GAB2: variants seen among roughly 807,000 people sequenced by gnomAD.
The protein encoded by GAB2 is GRB2-associated-binding protein 2.
A neutral mutation model predicts 65.5 loss-of-function variants in GAB2; 26 were observed. The observed-to-expected ratio is 0.40, with a 90% CI of 0.29 to 0.55. GAB2 has a LOEUF of 0.55. Among genes scored for constraint, GAB2 ranks in the 20% least tolerant of loss-of-function variants. GAB2 has a pLI of 0.53. For missense variants in GAB2, 884 were observed against 875.8 expected (o/e 1.01, Z -0.12); for synonymous variants, 321 against 329.6 (o/e 0.97, Z 0.28).
intron 1 of GAB2, among the ~76,000 whole-genome samples, chr11:78,312,908 T>C (rs564487366): frequency 6.6e-6 from 1 of 152,260 alleles, no homozygotes; most frequent in African/African-American, 2.4e-5. Context: ...TCAGATCTAG[T>C]GTCCTCAACT....
chr11:78,352,002 C>T (rs1024098636), intron 1 of GAB2, among the ~76,000 whole-genome samples: 1 of 152,108 alleles, frequency 6.6e-6, no homozygotes, highest in Non-Finnish European at 1.5e-5. Flanking sequence ...CACTTGAGGT[C>T]AGGAGTTCAA....
intron 2 of GAB2, among the ~76,000 whole-genome samples, chr11:78,262,549 C>G (rs1365179439): frequency 1.3e-5 from 2 of 152,102 alleles, no homozygotes; most frequent in Non-Finnish European, 2.9e-5. Flanking sequence ...CCTTCATGTG[C>G]TGAGTAGAGG....
chr11:78,344,090 C>T (rs932584327), intron 1 of GAB2, among the ~76,000 whole-genome samples: 9 of 152,112 alleles, frequency 5.9e-5, no homozygotes, highest in South Asian at 4.1e-4. Flanking sequence ...AGTTTAACTC[C>T]TGTGTACTCT....
chr11:78,220,989 C>T (rs555559259), intron 8 of GAB2, among the ~76,000 whole-genome samples: 2 of 152,214 alleles, frequency 1.3e-5, no homozygotes, highest in Non-Finnish European at 2.9e-5. Flanking sequence ...CCTAGCTCCT[C>T]CAAGATCTGA....
chr11:78,334,025 G>C (rs7115850), intron 1 of GAB2, among the ~76,000 whole-genome samples: 40,788 of 152,070 alleles, frequency 0.27, 6,420 homozygotes, highest in African/African-American at 0.42. Flanking sequence ...ATGAGTAAAG[G>C]TGATAAGTTC....
chr11:78,355,871 T>A (rs1296621486), intron 1 of GAB2, among the ~76,000 whole-genome samples: 2 of 151,918 alleles, frequency 1.3e-5, no homozygotes, highest in African/African-American at 4.8e-5. Flanking sequence ...CCAACTCATC[T>A]TTAAGACACA....
At chr11:78,310,274 G>A (rs540106710) in intron 1 of GAB2, among the ~76,000 whole-genome samples, 2 of 151,678 alleles carry the variant, frequency 1.3e-5, no homozygotes, top group African/African-American at 2.4e-5. Context: ...AGGCCAAGGC[G>A]GTTGGATAAC....
intron 1 of GAB2, among the ~76,000 whole-genome samples, chr11:78,395,489 T>C (rs1856885225): frequency 6.6e-6 from 1 of 152,208 alleles, no homozygotes; most frequent in African/African-American, 2.4e-5. Context: ...TCCCACTTCA[T>C]ATCCCAATAG....
At chr11:78,308,642 A>G (rs545962054) in intron 1 of GAB2, among the ~76,000 whole-genome samples, 20 of 152,366 alleles carry the variant, frequency 1.3e-4, no homozygotes, top group Admixed American at 1.2e-3. Context: ...TGTGATTTCA[A>G]AAGTTCAAAA....
chr11:78,228,332 A>G (rs537118250), intron 3 of GAB2, among the ~76,000 whole-genome samples: 37 of 150,740 alleles, frequency 2.5e-4, no homozygotes, highest in East Asian at 9.6e-4. Context: ...TCACTTGGGG[A>G]AAAAAAGAAT....
chr11:78,246,195 G>A (rs1865292760), intron 3 of GAB2, among the ~76,000 whole-genome samples: 1 of 151,954 alleles, frequency 6.6e-6, no homozygotes, highest in African/African-American at 2.4e-5. Flanking sequence ...GGCTCCCAAA[G>A]TGCTGGGATT....
chr11:78,318,383 A>AAAAAAAAAAAAAAAAAAAAAAAAAAAAC (rs1855657296), intron 1 of GAB2, among the ~76,000 whole-genome samples: 1 of 149,132 alleles, frequency 6.7e-6, no homozygotes, highest in Non-Finnish European at 1.5e-5. Flanking sequence ...AAAAAAAAAA[A>AAAAAAAAAAAAAAAAAAAAAAAAAAAAC]AAAGCTGTGA....
At chr11:78,402,389 G>C (rs969038793) in intron 1 of GAB2, among the ~76,000 whole-genome samples, 1 of 151,572 alleles carries the variant, frequency 6.6e-6, no homozygotes, top group Non-Finnish European at 1.5e-5. Context: ...ATAAATTACT[G>C]AACTAAATTA....
intron 1 of GAB2, among the ~76,000 whole-genome samples, chr11:78,281,248 A>AT (rs35622684): frequency 7.2e-4 from 104 of 143,794 alleles, no homozygotes; most frequent in African/African-American, 2.0e-3. Flanking sequence ...ACCTTAATGC[A>AT]TTTTTTTTTT....
chr11:78,257,002 T>C (rs1865611570), intron 2 of GAB2, among the ~76,000 whole-genome samples: 1 of 147,158 alleles, frequency 6.8e-6, no homozygotes, highest in Non-Finnish European at 1.5e-5. Flanking sequence ...CTATTTTCTT[T>C]TAAACAGTTT....
chr11:78,222,198 G>T lies in GAB2; in HGVS notation c.1568-3C>A, dbSNP rs765552885. The T allele has an allele frequency of 6.2e-7, 1 of 1,609,458 alleles. No individual in the cohort carries two copies. The highest frequency in any genetic ancestry group is 8.5e-7 in the Non-Finnish European group (1 of 1,175,716). On this transcript the variant is annotated splice_region_variant and splice_polypyrimidine_tract_variant and intron_variant, in intron 6 of 9. Transcript: ENST00000361507. The stretch of plus-strand genomic sequence containing the variant: ...CAGGTCAAGTGGTGTTGGCTTTGCT[G>T]GAGCAGGAAAAGAAAGTCTGGTAAT...
chr11:78,402,979 T>C (rs961418215), intron 1 of GAB2, among the ~76,000 whole-genome samples: 4 of 152,168 alleles, frequency 2.6e-5, no homozygotes, highest in Non-Finnish European at 4.4e-5. Context: ...AGAGACATTA[T>C]AAAAGAAACC....
intron 1 of GAB2, among the ~76,000 whole-genome samples, chr11:78,408,045 G>A (rs577782583): frequency 9.2e-5 from 14 of 152,158 alleles, no homozygotes; most frequent in Non-Finnish European, 1.6e-4. Flanking sequence ...AATGGCTAAA[G>A]GAAGTTCTCT....
intron 2 of GAB2, among the ~76,000 whole-genome samples, chr11:78,268,806 C>T (rs1461211988): frequency 6.6e-6 from 1 of 151,524 alleles, no homozygotes; most frequent in African/African-American, 2.4e-5. Flanking sequence ...CAGGTTTCTC[C>T]CTGTCTCCTT....
Sources: gnomAD v4.1 joint callset for allele counts (sites outside exome capture counted in the v4.1 genomes callset) on GRCh38, gnomAD v4.1.1 for gene constraint, MANE v1.5 for transcripts, NCBI Gene and HGNC (gene_info 2026-07-23, HGNC 2026-07-21) for gene names.